The following DMRTB1 variants were observed in gnomAD, a reference collection of about 807,000 sequenced individuals.
DMRTB1 encodes the protein doublesex- and mab-3-related transcription factor B1.
In DMRTB1, 9 loss-of-function variants were observed where a neutral mutation model predicts 25.2. That is an observed-to-expected ratio of 0.36 (90% CI 0.22 to 0.62). DMRTB1 has a LOEUF of 0.62. Among genes scored for constraint, DMRTB1 ranks in the 20% least tolerant of loss-of-function variants. The pLI is 0.71. For missense variants in DMRTB1, 551 were observed against 499.3 expected (o/e 1.10, Z -0.99); for synonymous variants, 269 against 238.1 (o/e 1.13, Z -1.20).
At chr1:53,466,472 CAG>C (rs1370818592) in intron 3 of DMRTB1, 121 bp from the exon 4 acceptor site, 5 of 957,718 alleles carry the variant, frequency 5.2e-6, no homozygotes, top group Non-Finnish European at 8.1e-6. Flanking sequence ...GCCTGGGTGA[CAG>C]AGCGAGACTC....
At position 53,464,710 on chromosome 1, in the gene DMRTB1, C is replaced by T. The variant is rs745627508; in HGVS notation, c.824C>T (p.Pro275Leu). 3.1e-6 allele frequency: 5 copies of T among 1,613,516 alleles called. No homozygotes were observed. Among genetic ancestry groups the T allele is most frequent in the African/African-American group, 2.7e-5 (2 of 74,878 alleles). Reference sequence around the variant, plus strand: ...CCGCCGCCGCCACTGCCGCCCCTTCCACCGCTTCCACCGCAGCCCCAGTTC... The same window carrying T: ...CCGCCGCCGCCACTGCCGCCCCTTCTACCGCTTCCACCGCAGCCCCAGTTC... ...PPPPPPLPPL[P>L]PLPPQPQFLP... The change falls in exon 3 of 4, where the codon CCA becomes CTA. Residue 275 changes from proline (P) to leucine (L), a missense_variant. Coordinates refer to ENST00000371445, the MANE Select transcript of DMRTB1 (RefSeq NM_033067.3).
chr1:53,461,997 CA>C (rs988769692), intron 2 of DMRTB1, among the ~76,000 whole-genome samples: 2 of 152,094 alleles, frequency 1.3e-5, no homozygotes, highest in Non-Finnish European at 2.9e-5. Context: ...CCTGGGACCA[CA>C]AAATTTAGGG....
chr1:53,461,709 G>A, intron 2 of DMRTB1, 64 bp downstream of exon 2: 1 of 1,483,836 alleles, frequency 6.7e-7, no homozygotes, highest in Non-Finnish European at 8.9e-7. Context: ...TGCCTTGATG[G>A]ATCCTCAGTC....
intron 1 of DMRTB1, 97 bp from the exon 2 acceptor site, chr1:53,461,376 T>C: frequency 7.6e-7 from 1 of 1,317,704 alleles, no homozygotes; most frequent in Admixed American, 2.6e-5. Flanking sequence ...CTTTCTGTGC[T>C]TGGACGGCAG....
chr1:53,464,782 C>T lies in DMRTB1; in HGVS notation c.896C>T (p.Pro299Leu), dbSNP rs1024990718. 6 of 1,613,786 alleles carry T rather than the reference C, an allele frequency of 3.7e-6. No individual in the cohort carries two copies. The highest frequency in any genetic ancestry group is 2.2e-5 in the South Asian group (2 of 91,066). Residue 299 changes from proline (P) to leucine (L), a missense_variant, in exon 3 of 4, where the codon CCG (proline) becomes CTG (leucine). Transcript: ENST00000371445. ...GCGCTCCACTTCCTCCCCCCGCCAC[C>T]GCCACCACCACCTCCATCATCTTTC... ...LSALHFLPPP[P>L]PPPPPSSFSL...
chr1:53,464,571 A>G (rs1186740410), intron 2 of DMRTB1, 66 bp from the exon 3 acceptor site: 1 of 1,610,204 alleles, frequency 6.2e-7, no homozygotes, highest in Non-Finnish European at 8.5e-7. Context: ...GGTGAGAGCT[A>G]TGTTTGGTCA....
intron 3 of DMRTB1, 135 bp downstream of exon 3, chr1:53,464,982 G>T: frequency 8.1e-7 from 1 of 1,238,846 alleles, no homozygotes; most frequent in South Asian, 1.2e-5. Flanking sequence ...CCTAGAATGA[G>T]CTCCTTCTTA....
In DMRTB1 at chr1:53,461,544, T is replaced by A; in HGVS notation, c.649T>A (p.Tyr217Asn). 3 of 1,612,484 alleles carry A rather than the reference T, an allele frequency of 1.9e-6. No homozygotes were observed. Among genetic ancestry groups the A allele is most frequent in the Non-Finnish European group, 2.5e-6 (3 of 1,179,312 alleles). Reference sequence around the variant, plus strand: ...CCCTGGTGGCTCCAGCATGCACCCCTACTGCCCGTTCCCGCTGGGCTACCT... The same window carrying A: ...CCCTGGTGGCTCCAGCATGCACCCCAACTGCCCGTTCCCGCTGGGCTACCT... Reference protein sequence around the residue: ...EYPGGSSMHPYCPFPLGYLDA... With the variant: ...EYPGGSSMHPNCPFPLGYLDA... Residue 217 changes from tyrosine (Y) to asparagine (N), a missense_variant, in exon 2 of 4, where the codon TAC (tyrosine) becomes AAC (asparagine). Coordinates refer to ENST00000371445, the MANE Select transcript of DMRTB1 (RefSeq NM_033067.3).
Position 53,466,886 on chromosome 1 carries a change from A to G in DMRTB1, c.*224A>G. 1 of 551,356 alleles carries G rather than the reference A, an allele frequency of 1.8e-6. No homozygotes were observed. The highest frequency in any genetic ancestry group is 3.2e-6 in the Non-Finnish European group (1 of 314,862). The allele number at this position is 551,356 out of a possible 1,614,324, so 34.2% of individuals were successfully genotyped here. The stretch of plus-strand genomic sequence containing the variant: ...AGGAAGCTATTACCAGGGGAGGGCC[A>G]GGGCTCTGAGGAGTGGGCGCTGGGA... On this transcript the variant is annotated 3_prime_UTR_variant, in exon 4 of 4. Transcript: ENST00000371445.
At chr1:53,460,566 G>GGGA (rs1366343406) in intron 1 of DMRTB1, 2 of 153,044 alleles carry the variant, frequency 1.3e-5, no homozygotes, top group African/African-American at 4.8e-5. Flanking sequence ...TGCAGGTGAG[G>GGGA]GGAGCCTGCT....
Position 53,459,526 on chromosome 1 carries a change from G to C in DMRTB1, c.73G>C (p.Gly25Arg). Residue 25 changes from glycine to arginine, a missense_variant, in exon 1 of 4, where the codon GGA becomes CGA. Transcript: ENST00000371445. ...CCATGGCTTCCTGGTGCCCGTCAAG[G>C]GACACGCGGGCAAATGCCGCTGGAA... is the stretch of plus-strand genomic sequence containing the variant. ...RNHGFLVPVK[G>R]HAGKCRWKQC... 6.2e-7 allele frequency: 1 copy of C among 1,613,130 alleles called. No homozygotes were observed. The highest frequency in any genetic ancestry group is 8.5e-7 in the Non-Finnish European group (1 of 1,179,972).
rs1644008059 is a variant in DMRTB1, at chr1:53,459,777, C to A, written c.324C>A (p.Asp108Glu). 2 of 1,385,596 alleles carry A rather than the reference C, an allele frequency of 1.4e-6. No homozygotes were observed. The highest frequency in any genetic ancestry group is 1.9e-6 in the Non-Finnish European group (2 of 1,072,604). 85.8% of individuals were successfully genotyped at this position (1,385,596 alleles called of 1,614,324 possible). ...CGGGGACTCCCTCCGGAGACGCCGA[C>A]CCGGGACCCGAGGGCCGCGCGGCCG... is the stretch of plus-strand genomic sequence containing the variant. ...LSPGTPSGDA[D>E]PGPEGRAAAC... Residue 108 changes from aspartate (D) to glutamate (E), a missense_variant, in exon 1 of 4, where the codon GAC (aspartate) becomes GAA (glutamate). Transcript: ENST00000371445.
At chr1:53,462,731 GC>G (rs1644028967) in intron 2 of DMRTB1, among the ~76,000 whole-genome samples, 1 of 152,228 alleles carries the variant, frequency 6.6e-6, no homozygotes, top group Non-Finnish European at 1.5e-5. Context: ...TGGTGACAGA[GC>G]CGGGTCGTGC....
rs1456367025 is a variant in DMRTB1 at position 53,464,742 on chromosome 1, C to T, written c.856C>T (p.Pro286Ser). 1 of 1,613,462 alleles carries T rather than the reference C, an allele frequency of 6.2e-7. No homozygotes were observed. The highest frequency in any genetic ancestry group is 1.1e-5 in the South Asian group (1 of 91,066). The change falls in exon 3 of 4, where the codon CCA (proline) becomes TCA (serine). Residue 286 changes from proline (P) to serine (S), a missense_variant. Physicochemically the swap from Pro to Ser is moderately conservative, Grantham distance 74. Coordinates refer to ENST00000371445, the MANE Select transcript of DMRTB1 (RefSeq NM_033067.3). ...TCCACCGCAGCCCCAGTTCCTCCCG[C>T]CAGGCTACCTCTCTGCGCTCCACTT... ...PLPPQPQFLPPGYLSALHFLP... is the reference protein window; with the variant it reads ...PLPPQPQFLPSGYLSALHFLP...
At chr1:53,460,541 C>T (rs951289340) in intron 1 of DMRTB1, 4 of 153,412 alleles carry the variant, frequency 2.6e-5, no homozygotes, top group African/African-American at 9.6e-5. Flanking sequence ...CACCTCTTCC[C>T]TCCGTTTCCC....
chr1:53,464,869 A>C, intron 3 of DMRTB1, 22 bp downstream of exon 3: 4 of 1,613,286 alleles, frequency 2.5e-6, no homozygotes, highest in Non-Finnish European at 3.4e-6. Flanking sequence ...CCAGTCTTCC[A>C]GCTTCAGCGA....
chr1:53,465,228 G>C (rs1313959562), intron 3 of DMRTB1, among the ~76,000 whole-genome samples: 2 of 152,176 alleles, frequency 1.3e-5, no homozygotes, highest in East Asian at 1.9e-4. Context: ...GAGGTGCCAG[G>C]CCTCTCTAGC....
rs1183292973 is a variant in DMRTB1, at chr1:53,461,552, G to A, written c.657G>A (p.Pro219=). ...PGGSSMHPYC[P]FPLGYLDAPP... ...GCTCCAGCATGCACCCCTACTGCCC[G>A]TTCCCGCTGGGCTACCTGGACGCCC... The change falls in exon 2 of 4, where the codon CCG becomes CCA. Residue 219 remains proline (P), a synonymous_variant. Transcript: ENST00000371445. The A allele has an allele frequency of 6.2e-7, 1 of 1,612,044 alleles. No individual in the cohort carries two copies. Among genetic ancestry groups the A allele is most frequent in the Non-Finnish European group, 8.5e-7 (1 of 1,179,160 alleles).
chr1:53,467,130 AG>A lies in DMRTB1; in HGVS notation c.*470del. On this transcript the variant is annotated 3_prime_UTR_variant, in exon 4 of 4. Coordinates refer to ENST00000371445, the MANE Select transcript of DMRTB1 (RefSeq NM_033067.3). ...ATCCAGGTGGCTGGAGCCAGCAGCC[AG>A]GACCAGGGTCGTTGACAGCAGGTTC... The A allele has an allele frequency of 6.2e-6, 1 of 160,368 alleles. No individual in the cohort carries two copies. The allele number at this position is 160,368 out of a possible 1,614,324, so 9.9% of individuals were successfully genotyped here. A position where few individuals can be genotyped will look rare whatever the true frequency, so the allele number is the denominator to read the frequency against.
Sources: allele counts gnomAD v4.1 joint callset (sites outside exome capture counted in the v4.1 genomes callset), GRCh38; gene constraint gnomAD v4.1.1; transcripts MANE v1.5; gene names NCBI Gene and HGNC (gene_info 2026-07-23, HGNC 2026-07-21).